The following MYO3B variants were observed in gnomAD, a reference collection of about 807,000 sequenced individuals.
MYO3B encodes the protein myosin-IIIb.
Under a neutral mutation model 174.6 loss-of-function variants are expected in MYO3B, and 156 were observed. The observed-to-expected ratio is 0.89, with a 90% confidence interval of 0.78 to 1.02. MYO3B has a LOEUF of 1.02. Among genes scored for constraint, MYO3B ranks in the 50% least tolerant of loss-of-function variants. The probability of loss-of-function intolerance (pLI) is 0.00; values close to 1 mark genes in which losing one functional copy is unlikely to be tolerated. For missense variants in MYO3B, 1,632 were observed against 1,639.4 expected (o/e 1.00, Z 0.08); for synonymous variants, 563 against 569.1 (o/e 0.99, Z 0.15).
rs569118286 is a variant in MYO3B, at chr2:170,478,086, T to TA, written c.3014+11376dup. On this transcript the variant is annotated intron_variant, in intron 25 of 34. Transcript: ENST00000408978. ...AGGCAGCCACGTCTCTACTATTTTTTATCAGGAAAGAAAAAATTTTTTCAG... is the reference window on the plus strand; with the variant it reads ...AGGCAGCCACGTCTCTACTATTTTTTAATCAGGAAAGAAAAAATTTTTTCAG... Among the ~76,000 whole-genome samples, 95 of 152,286 alleles carry TA rather than the reference T, an allele frequency of 6.2e-4. 1 individual carries two copies. The highest frequency in any genetic ancestry group is 1.0e-3 in the Admixed American group (16 of 15,300).
intron 11 of MYO3B, 133 bp from the exon 12 acceptor site, chr2:170,383,577 A>G (rs2094351690): frequency 2.9e-6 from 2 of 678,464 alleles, no homozygotes; most frequent in South Asian, 3.7e-5. Context: ...TGCAGGCTCC[A>G]GAACCTATAC....
chr2:170,294,668 A>T (rs1298330632), intron 7 of MYO3B, among the ~76,000 whole-genome samples: 2 of 152,168 alleles, frequency 1.3e-5, no homozygotes, highest in Non-Finnish European at 2.9e-5. Flanking sequence ...CTTATTAAAA[A>T]TTCTCATACT....
chr2:170,462,970 T>C (rs1442097316), intron 23 of MYO3B, among the ~76,000 whole-genome samples: 1 of 152,216 alleles, frequency 6.6e-6, no homozygotes, highest in Non-Finnish European at 1.5e-5. Flanking sequence ...CCTAATTCCC[T>C]GTGGTACAAC....
chr2:170,362,279 A>G (rs577809035), intron 8 of MYO3B, among the ~76,000 whole-genome samples: 1 of 152,214 alleles, frequency 6.6e-6, no homozygotes, highest in African/African-American at 2.4e-5. Context: ...TTTATCCCCA[A>G]GTTTCCTGCC....
At chr2:170,280,033 A>G (rs1468952966) in intron 7 of MYO3B, among the ~76,000 whole-genome samples, 1 of 152,188 alleles carries the variant, frequency 6.6e-6, no homozygotes, top group Non-Finnish European at 1.5e-5. Flanking sequence ...TATTTAAGGA[A>G]TAACCATACT....
intron 22 of MYO3B, among the ~76,000 whole-genome samples, chr2:170,438,641 T>TA (rs2094774822): frequency 1.4e-5 from 2 of 146,328 alleles, no homozygotes; most frequent in Admixed American, 6.7e-5. Context: ...AGGTAATATT[T>TA]CTTTTTTTTT....
intron 6 of MYO3B, among the ~76,000 whole-genome samples, chr2:170,218,003 G>C (rs1421596605): frequency 6.6e-6 from 1 of 152,170 alleles, no homozygotes; most frequent in East Asian, 1.9e-4. Flanking sequence ...TAGTTTTTCA[G>C]GTCATTTAAT....
intron 7 of MYO3B, among the ~76,000 whole-genome samples, chr2:170,317,716 A>G (rs1396048281): frequency 6.6e-6 from 1 of 152,150 alleles, no homozygotes; most frequent in Non-Finnish European, 1.5e-5. Flanking sequence ...GCTTCCCATG[A>G]GGCAGCTTAC....
intron 6 of MYO3B, among the ~76,000 whole-genome samples, chr2:170,220,658 A>C (rs889804038): frequency 5.4e-4 from 71 of 131,624 alleles, no homozygotes; most frequent in African/African-American, 2.0e-3. Context: ...AAAAAAATGG[A>C]GTGTTTCTGT....
intron 25 of MYO3B, among the ~76,000 whole-genome samples, chr2:170,472,677 T>TATC (rs1559035189): frequency 0.014 from 1,308 of 92,152 alleles, 8 homozygotes; most frequent in Admixed American, 0.023. Flanking sequence ...TTTTATCTAT[T>TATC]TATTTATTTA....
rs747923286 is a variant in MYO3B, at chr2:170,463,295, G to A, written c.2731-73G>A. ...CAGGTATTTGGCCAAACAGGCTTTC[G>A]GATTTTGGAAGACATGGAGCATGAG... On this transcript the variant is annotated intron_variant, in intron 23 of 34. Coordinates refer to ENST00000408978, the MANE Select transcript of MYO3B (RefSeq NM_138995.5). The A allele has an allele frequency of 3.6e-4, 494 of 1,378,970 alleles. 1 individual carries two copies. Among genetic ancestry groups the A allele is most frequent in the Admixed American group, 5.6e-4 (31 of 55,544 alleles). 85.4% of individuals were successfully genotyped at this position (1,378,970 alleles called of 1,614,324 possible). A position where few individuals can be genotyped will look rare whatever the true frequency, so the allele number is the denominator to read the frequency against.
At chr2:170,379,516 T>G (rs2094320570) in intron 9 of MYO3B, among the ~76,000 whole-genome samples, 1 of 152,178 alleles carries the variant, frequency 6.6e-6, no homozygotes, top group Non-Finnish European at 1.5e-5. Flanking sequence ...TTGATTAACT[T>G]CAAGCAAAAT....
chr2:170,572,346 T>C (rs1692491654), intron 32 of MYO3B, among the ~76,000 whole-genome samples: 1 of 151,678 alleles, frequency 6.6e-6, no homozygotes, highest in South Asian at 2.1e-4. Context: ...GAGAATTGCT[T>C]GAACCTGGGA....
intron 7 of MYO3B, among the ~76,000 whole-genome samples, chr2:170,278,808 ATTC>A (rs2093482975): frequency 6.6e-6 from 1 of 151,964 alleles, no homozygotes; most frequent in Admixed American, 6.6e-5. Context: ...TCTGATAACT[ATTC>A]TTCTACTCTC....
At chr2:170,453,045 A>G (rs1170517012) in intron 23 of MYO3B, among the ~76,000 whole-genome samples, 2 of 152,234 alleles carry the variant, frequency 1.3e-5, no homozygotes, top group African/African-American at 2.4e-5. Flanking sequence ...AGGACTAGCT[A>G]TGACATGAAC....
At position 170,508,304 on chromosome 2, in the gene MYO3B, G is replaced by A. The variant is rs76885209; in HGVS notation, c.3370+6439G>A. ...AGAATGAAACAACATTATTATGATC[G>A]ATTACACACTTGAGTTGCCTTTACT... On this transcript the variant is annotated intron_variant, in intron 28 of 34. Coordinates refer to ENST00000408978, the MANE Select transcript of MYO3B (RefSeq NM_138995.5). Among the ~76,000 whole-genome samples, 1,412 of 152,224 alleles carry A rather than the reference G, an allele frequency of 9.3e-3. 48 individuals carry two copies. The East Asian group carries it at 0.1, about 11-fold the overall frequency.
intron 32 of MYO3B, chr2:170,602,076 G>A: frequency 1.9e-6 from 2 of 1,067,864 alleles, no homozygotes; most frequent in Non-Finnish European, 2.9e-6. Flanking sequence ...TAGCAGACAT[G>A]GCCTTCCACC....
intron 22 of MYO3B, among the ~76,000 whole-genome samples, chr2:170,416,522 CAAAAA>C (rs1209503137): frequency 6.7e-5 from 4 of 60,118 alleles, no homozygotes; most frequent in African/African-American, 2.7e-4. Context: ...GACTCCGTCT[CAAAAA>C]AAAAAAAAAA....
intron 7 of MYO3B, among the ~76,000 whole-genome samples, chr2:170,300,504 G>A (rs957609795): frequency 6.6e-6 from 1 of 152,286 alleles, no homozygotes; most frequent in South Asian, 2.1e-4. Context: ...AATGTGGATA[G>A]CACTGGTCTC....
Sources: allele counts gnomAD v4.1 joint callset (sites outside exome capture counted in the v4.1 genomes callset), GRCh38; gene constraint gnomAD v4.1.1; transcripts MANE v1.5; gene names NCBI Gene and HGNC (gene_info 2026-07-23, HGNC 2026-07-21).